RANBP1: variants seen among roughly 807,000 people sequenced by gnomAD.
RANBP1 encodes the protein RAN binding protein 1.
Under a neutral mutation model 31.4 loss-of-function variants are expected in RANBP1, and 16 were observed. The observed-to-expected ratio is 0.51, with a 90% CI of 0.34 to 0.77. The LOEUF is 0.77. Among genes scored for constraint, RANBP1 ranks in the 30% least tolerant of loss-of-function variants. The pLI, the probability that RANBP1 is intolerant of heterozygous loss-of-function variation, is 0.01. For missense variants in RANBP1, 265 were observed against 362.0 expected, an observed-to-expected ratio of 0.73 and a Z score of 2.17; for synonymous variants, 129 against 140.5, an observed-to-expected ratio of 0.92 and a Z score of 0.58.
chr22:20,122,686 T>TCGGGACGAGGAGTGAGTGCTG, intron 3 of RANBP1: 1 of 1,378,646 alleles, frequency 7.3e-7, no homozygotes, highest in Non-Finnish European at 9.6e-7. Context: ...CAGGCTGGGC[T>TCGGGACGAGGAGTGAGTGCTG]CGGGACGAGG....
Position 20,126,290 on chromosome 22 carries a change from C to T in RANBP1, c.671-13C>T, listed in dbSNP as rs1380659223. 8.1e-6 allele frequency: 13 copies of T among 1,610,506 alleles called. No homozygotes were observed. Among genetic ancestry groups the T allele is most frequent in the African/African-American group, 5.3e-5 (4 of 74,820 alleles). On this transcript the variant is annotated splice_polypyrimidine_tract_variant and intron_variant, in intron 4 of 5. Coordinates refer to ENST00000430524, the MANE Select transcript of RANBP1 (RefSeq NM_001278639.2). ...TCACAGCTCTTAGGAAGTCTTCGCT[C>T]TCCCTTCCACAGATGCACAGAAATT...
chr22:20,122,231 T>G (rs2050187968), intron 2 of RANBP1, 33 bp from the exon 3 acceptor site: 1 of 1,606,140 alleles, frequency 6.2e-7, no homozygotes, highest in African/African-American at 1.3e-5. Context: ...GGGCTGCAGG[T>G]CTGCACTCTT....
At chr22:20,123,501 TGA>T (rs1350072488) in intron 3 of RANBP1, among the ~76,000 whole-genome samples, 2 of 128,484 alleles carry the variant, frequency 1.6e-5, no homozygotes, top group Admixed American at 1.5e-4. Context: ...GGGGTGTGTG[TGA>T]GAGAGATTGG....
At chr22:20,120,461 G>A (rs1241903391) in intron 2 of RANBP1, among the ~76,000 whole-genome samples, 1 of 152,176 alleles carries the variant, frequency 6.6e-6, no homozygotes, top group East Asian at 1.9e-4. Flanking sequence ...CCAGCAGGGT[G>A]GGCCCGGGTC....
intron 1 of RANBP1, chr22:20,118,435 T>C (rs1281368211): frequency 1.2e-6 from 1 of 844,346 alleles, no homozygotes; most frequent in Non-Finnish European, 1.5e-6. Context: ...CTTAGTTTTC[T>C]GAACTGTGAA....
intron 5 of RANBP1, 141 bp downstream of exon 5, chr22:20,126,509 C>T (rs867470750): frequency 3.1e-6 from 5 of 1,590,902 alleles, no homozygotes; most frequent in Middle Eastern, 1.7e-4. Flanking sequence ...AGTGATGCAG[C>T]TCCCTGGGGA....
chr22:20,117,334 G>C, intron 1 of RANBP1: 6 of 1,158,140 alleles, frequency 5.2e-6, no homozygotes, highest in Non-Finnish European at 6.5e-6. Context: ...CGCGGGTGTC[G>C]CCGGGAGTGC....
At chr22:20,117,296 A>C (rs713982) in intron 1 of RANBP1, 682,703 of 845,124 alleles carry the variant, frequency 0.81, 276,801 homozygotes, top group African/African-American at 0.92. Context: ...CCAGCTCTAG[A>C]GGCGCGCGTG....
rs150586231 is a variant in RANBP1, at chr22:20,119,158, G to A, written c.383+9G>A. On this transcript the variant is annotated intron_variant, in intron 2 of 5. Transcript: ENST00000430524. ...GAGGAACTTTTTAAAATGTAAGTAG[G>A]CTGATGTCCCAGAAATAGGACTCTT... The A allele has an allele frequency of 1.6e-3, 2,500 of 1,610,772 alleles. 8 individuals carry two copies. The highest frequency in any genetic ancestry group is 8.6e-3 in the Middle Eastern group (52 of 6,048).
intron 5 of RANBP1, 56 bp downstream of exon 5, chr22:20,126,424 T>A: frequency 6.2e-7 from 1 of 1,613,118 alleles, no homozygotes; most frequent in South Asian, 1.1e-5. Context: ...TGCATCTGAC[T>A]ATACTTCCAG....
chr22:20,116,544 C>CCT (rs1568975769), intron 1 of RANBP1, 114 bp downstream of exon 1: 7 of 1,598,414 alleles, frequency 4.4e-6, no homozygotes, highest in Non-Finnish European at 6.0e-6. Context: ...CTGCAGGGGG[C>CCT]ACCGAGACGG....
Position 20,121,541 on chromosome 22 carries a change from C to T in RANBP1, c.384-723C>T, listed in dbSNP as rs5748536. On this transcript the variant is annotated intron_variant, in intron 2 of 5. Coordinates refer to ENST00000430524, the MANE Select transcript of RANBP1 (RefSeq NM_001278639.2). Reference sequence around the variant, plus strand: ...GGGATTACAGGCGTGGGCCACTGTGCCCTGTTTTGTTTTGTTTTTTTTTAA... The same window carrying T: ...GGGATTACAGGCGTGGGCCACTGTGTCCTGTTTTGTTTTGTTTTTTTTTAA... Among the ~76,000 whole-genome samples the T allele has an allele frequency of 4.5e-3, 667 of 149,748 alleles. 11 individuals are homozygous for T. The highest frequency in any genetic ancestry group is 0.026 in the East Asian group (132 of 5,116).
chr22:20,125,950 G>A (rs1241328463), intron 4 of RANBP1, among the ~76,000 whole-genome samples: 1 of 152,274 alleles, frequency 6.6e-6, no homozygotes, highest in Non-Finnish European at 1.5e-5. Context: ...GGAGTCAGTG[G>A]GTACTGTGGC....
chr22:20,117,396 G>T (rs1414069328), intron 1 of RANBP1: 4 of 1,213,422 alleles, frequency 3.3e-6, no homozygotes, highest in African/African-American at 1.6e-5. Context: ...GCGTTTTGGC[G>T]GGAAGCGCGG....
chr22:20,127,115 C>T lies in RANBP1; in HGVS notation c.*63C>T, dbSNP rs1033350399. On this transcript the variant is annotated 3_prime_UTR_variant, in exon 6 of 6. Coordinates refer to ENST00000430524, the MANE Select transcript of RANBP1 (RefSeq NM_001278639.2). ...CCTTTTTTTAAAAAATTTTACCCTGCCCCTCTTTTTCGGTTTGTTTTTATT... is the reference window on the plus strand; with the variant it reads ...CCTTTTTTTAAAAAATTTTACCCTGTCCCTCTTTTTCGGTTTGTTTTTATT... 3 of 1,384,074 alleles carry T rather than the reference C, an allele frequency of 2.2e-6. No homozygotes were observed. Among genetic ancestry groups the T allele is most frequent in the Non-Finnish European group, 2.9e-6 (3 of 1,023,890 alleles). 85.7% of individuals were successfully genotyped at this position (1,384,074 alleles called of 1,614,324 possible). A position where few individuals can be genotyped will look rare whatever the true frequency, so the allele number is the denominator to read the frequency against.
chr22:20,117,328 G>A, intron 1 of RANBP1: 1 of 1,110,216 alleles, frequency 9.0e-7, no homozygotes, highest in Non-Finnish European at 1.1e-6. Context: ...AGTGCGCGCG[G>A]GTGTCGCCGG....
At chr22:20,120,458 G>A (rs930419587) in intron 2 of RANBP1, among the ~76,000 whole-genome samples, 1 of 152,218 alleles carries the variant, frequency 6.6e-6, no homozygotes, top group Non-Finnish European at 1.5e-5. Flanking sequence ...AGGCCAGCAG[G>A]GTGGGCCCGG....
chr22:20,127,148 T>G lies in RANBP1; in HGVS notation c.*96T>G. The G allele has an allele frequency of 2.9e-6, 3 of 1,032,736 alleles. No homozygotes were observed. Among genetic ancestry groups the G allele is most frequent in the Non-Finnish European group, 4.1e-6 (3 of 728,116 alleles). The allele number at this position is 1,032,736 out of a possible 1,614,324, so 64.0% of individuals were successfully genotyped here. A position where few individuals can be genotyped will look rare whatever the true frequency, so the allele number is the denominator to read the frequency against. On this transcript the variant is annotated 3_prime_UTR_variant, in exon 6 of 6. Transcript: ENST00000430524. Reference sequence around the variant, plus strand: ...TTTCGGTTTGTTTTTATTCTTTCATTTTTACAAGGGACGTTATATAAAGAA... The same window carrying G: ...TTTCGGTTTGTTTTTATTCTTTCATGTTTACAAGGGACGTTATATAAAGAA...
At chr22:20,117,554 G>A (rs1207749372) in intron 1 of RANBP1, 6 of 1,408,670 alleles carry the variant, frequency 4.3e-6, no homozygotes, top group Middle Eastern at 2.6e-4. Context: ...AGGCGCCGGC[G>A]CCAGACGCGG....
Sources: allele counts gnomAD v4.1 joint callset (sites outside exome capture counted in the v4.1 genomes callset), GRCh38; gene constraint gnomAD v4.1.1; transcripts MANE v1.5; gene names NCBI Gene and HGNC (gene_info 2026-07-23, HGNC 2026-07-21).